Variants in TRAK1 observed in about 807,000 individuals in gnomAD.
The protein encoded by TRAK1 is trafficking kinesin-binding protein 1.
A neutral mutation model predicts 92.1 loss-of-function variants in TRAK1; 33 were observed. The ratio of observed to expected loss-of-function variants is 0.36; its 90% CI spans 0.27 to 0.48. The LOEUF (loss-of-function observed/expected upper bound fraction) is 0.48. Among genes scored for constraint, TRAK1 ranks in the 20% least tolerant of loss-of-function variants. The pLI, the probability that TRAK1 is intolerant of heterozygous loss-of-function variation, is 0.99. For synonymous variants in TRAK1, 521 were observed against 517.3 expected (o/e 1.01, Z -0.10); for missense variants, 1,123 against 1,257.9 (o/e 0.89, Z 1.62).
chr3:42,144,528 T>C (rs1446042231), intron 2 of TRAK1, among the ~76,000 whole-genome samples: 2 of 152,190 alleles, frequency 1.3e-5, no homozygotes, highest in Non-Finnish European at 2.9e-5. Flanking sequence ...CTCTTAACTA[T>C]GAAATCTGTT....
At chr3:42,088,764 T>A (rs1433646862), upstream of TRAK1, among the ~76,000 whole-genome samples, 2 of 152,152 alleles carry the variant, frequency 1.3e-5, no homozygotes, top group Non-Finnish European at 2.9e-5. Flanking sequence ...GGAAGTACAG[T>A]CTTTACTTGG....
At chr3:42,167,590 C>G (rs974580906) in intron 2 of TRAK1, among the ~76,000 whole-genome samples, 1 of 152,088 alleles carries the variant, frequency 6.6e-6, no homozygotes, top group Non-Finnish European at 1.5e-5. Context: ...TTTTTAAAAC[C>G]AAGTAATGGG....
intron 1 of TRAK1, among the ~76,000 whole-genome samples, chr3:42,063,659 C>A (rs1474785504): frequency 2.0e-5 from 3 of 149,062 alleles, no homozygotes; most frequent in African/African-American, 7.4e-5. Flanking sequence ...GCATTCCAGC[C>A]TTGGTGACAG....
At chr3:42,119,577 G>C (rs1182460054) in intron 1 of TRAK1, among the ~76,000 whole-genome samples, 1 of 152,144 alleles carries the variant, frequency 6.6e-6, no homozygotes, top group Non-Finnish European at 1.5e-5. Context: ...GGAGGTCCAG[G>C]GTGTTTCAGG....
intron 1 of TRAK1, among the ~76,000 whole-genome samples, chr3:42,099,757 A>C (rs1002290479): frequency 7.2e-5 from 11 of 152,200 alleles, no homozygotes; most frequent in Non-Finnish European, 1.3e-4. Flanking sequence ...TAGACCATTC[A>C]GGTTGTCATA....
At chr3:42,189,472 C>G (rs1292223366) in intron 6 of TRAK1, among the ~76,000 whole-genome samples, 1 of 152,214 alleles carries the variant, frequency 6.6e-6, no homozygotes, top group African/African-American at 2.4e-5. Context: ...TTCATGCTGC[C>G]ACAGATCAGA....
intron 1 of TRAK1, among the ~76,000 whole-genome samples, chr3:42,053,384 G>A (rs1472589493): frequency 7.1e-6 from 1 of 141,616 alleles, no homozygotes; most frequent in African/African-American, 2.5e-5. Context: ...GTGGGGGGGG[G>A]GGGCGGGGGA....
intron 1 of TRAK1, among the ~76,000 whole-genome samples, chr3:42,093,366 G>A (rs1705377309): frequency 1.3e-5 from 2 of 152,112 alleles, no homozygotes; most frequent in South Asian, 4.2e-4. Context: ...TTTTAAATAT[G>A]CTATAAATGA....
chr3:42,221,242 A>G (rs1441754539), intron 15 of TRAK1, among the ~76,000 whole-genome samples: 1 of 152,168 alleles, frequency 6.6e-6, no homozygotes, highest in South Asian at 2.1e-4. Context: ...GGGTACATCA[A>G]CATTTGTAAA....
chr3:42,068,132 C>T (rs1265705501), intron 1 of TRAK1, among the ~76,000 whole-genome samples: 1 of 151,562 alleles, frequency 6.6e-6, no homozygotes, highest in Admixed American at 6.6e-5. Context: ...TGCACTCCAG[C>T]ATGGGCAAGA....
intron 2 of TRAK1, among the ~76,000 whole-genome samples, chr3:42,168,615 C>G (rs924166339): frequency 6.6e-6 from 1 of 152,004 alleles, no homozygotes; most frequent in Non-Finnish European, 1.5e-5. Flanking sequence ...AGAGTCTTCA[C>G]TCTGTTACCT....
intron 1 of TRAK1, among the ~76,000 whole-genome samples, chr3:42,070,251 TATTATA>T (rs1703871086): frequency 8.0e-6 from 1 of 124,628 alleles, no homozygotes; most frequent in African/African-American, 2.8e-5. Context: ...TAATAATAAT[TATTATA>T]ATTATAATAA....
chr3:42,221,513 A>G (rs541920199), intron 15 of TRAK1, among the ~76,000 whole-genome samples: 2 of 152,302 alleles, frequency 1.3e-5, no homozygotes, highest in African/African-American at 2.4e-5. Flanking sequence ...TTCTCTGGTC[A>G]TCGCAAAGAC....
At chr3:42,187,780 C>T (rs1217634041) in intron 4 of TRAK1, among the ~76,000 whole-genome samples, 1 of 152,126 alleles carries the variant, frequency 6.6e-6, no homozygotes, top group Admixed American at 6.6e-5. Flanking sequence ...AAGCATCATT[C>T]TAGTCCCCTC....
chr3:42,040,095 C>T (rs1183574815), intron 1 of TRAK1, among the ~76,000 whole-genome samples: 1 of 151,770 alleles, frequency 6.6e-6, no homozygotes, highest in African/African-American at 2.4e-5. Context: ...GATACAAGTC[C>T]TTTATCAGAT....
At chr3:42,096,454 A>ATG (rs1184969375) in intron 1 of TRAK1, among the ~76,000 whole-genome samples, 1 of 152,156 alleles carries the variant, frequency 6.6e-6, no homozygotes, top group Admixed American at 6.5e-5. Flanking sequence ...GGGATTCGCC[A>ATG]TGTTGGCCAG....
At chr3:42,097,929 A>G (rs1486077954) in intron 1 of TRAK1, among the ~76,000 whole-genome samples, 3 of 152,208 alleles carry the variant, frequency 2.0e-5, no homozygotes, top group African/African-American at 7.2e-5. Context: ...TGTGATACTG[A>G]CAACTATGTG....
intron 2 of TRAK1, among the ~76,000 whole-genome samples, chr3:42,172,126 G>A (rs533495481): frequency 6.6e-6 from 1 of 152,270 alleles, no homozygotes; most frequent in East Asian, 1.9e-4. Context: ...ATCTCAAAGT[G>A]GATTCTCCCA....
At chr3:42,042,757 A>G (rs1388491992) in intron 1 of TRAK1, among the ~76,000 whole-genome samples, 1 of 152,096 alleles carries the variant, frequency 6.6e-6, no homozygotes, top group Non-Finnish European at 1.5e-5. Context: ...AACCCATGAA[A>G]ACGATTGCTT....
Sources: gnomAD v4.1 joint callset for allele counts (sites outside exome capture counted in the v4.1 genomes callset) on GRCh38, gnomAD v4.1.1 for gene constraint, MANE v1.5 for transcripts, NCBI Gene and HGNC (gene_info 2026-07-23, HGNC 2026-07-21) for gene names.